The following MED12L variants were observed in gnomAD, a reference collection of about 807,000 sequenced individuals.
MED12L encodes mediator of RNA polymerase II transcription subunit 12-like protein.
MED12L carries 60 observed loss-of-function variants against 281.3 expected under a neutral mutation model. The observed-to-expected ratio is 0.21, with a 90% CI of 0.17 to 0.26. The LOEUF (loss-of-function observed/expected upper bound fraction) is 0.26, where lower values mean the gene tolerates loss of function less well. Among genes scored for constraint, MED12L ranks in the 10% least tolerant of loss-of-function variants. The pLI is 1.00. For synonymous variants in MED12L, 974 were observed against 987.2 expected, an observed-to-expected ratio of 0.99 and a Z score of 0.25; for missense variants, 2,146 against 2,680.9, an observed-to-expected ratio of 0.80 and a Z score of 4.41.
At chr3:151,150,352 G>A (rs1387316332) in intron 5 of MED12L, among the ~76,000 whole-genome samples, 2 of 152,144 alleles carry the variant, frequency 1.3e-5, no homozygotes, top group African/African-American at 2.4e-5. Flanking sequence ...GTTTTGAAAG[G>A]TATCTCTCTT....
intron 16 of MED12L, among the ~76,000 whole-genome samples, chr3:151,253,997 T>C (rs1737323043): frequency 9.2e-6 from 1 of 108,856 alleles, no homozygotes; most frequent in Non-Finnish European, 2.0e-5. Flanking sequence ...TGATTTTTTC[T>C]TGTTTTTTTT....
intron 16 of MED12L, among the ~76,000 whole-genome samples, chr3:151,312,686 A>C (rs1450163566): frequency 6.6e-6 from 1 of 152,186 alleles, no homozygotes; most frequent in East Asian, 1.9e-4. Flanking sequence ...ACAACAGTAA[A>C]AGAGCTCCCC....
At chr3:151,222,540 T>C (rs2149273880) in intron 16 of MED12L, among the ~76,000 whole-genome samples, 1 of 152,298 alleles carries the variant, frequency 6.6e-6, no homozygotes, top group Non-Finnish European at 1.5e-5. Flanking sequence ...CTGATGGTTT[T>C]AAAAATGGGA....
chr3:151,127,824 G>C lies in MED12L; in HGVS notation c.397-1G>C, dbSNP rs1714758008. 6.3e-7 allele frequency: 1 copy of C among 1,590,642 alleles called. No individual in the cohort carries two copies. Among genetic ancestry groups the C allele is most frequent in the African/African-American group, 1.4e-5 (1 of 73,916 alleles). ...AAATATACTATGTTGTTTCTTTTTA[G>C]GTTCCTATCCTTAGTAAAAAAGAGG... On this transcript the variant is annotated splice_acceptor_variant, in intron 4 of 44. Coordinates refer to ENST00000687756, the MANE Select transcript of MED12L (RefSeq NM_001393769.1). LOFTEE classifies it high-confidence loss of function.
At position 151,370,270 on chromosome 3, in the gene MED12L, A is replaced by G. The variant is rs185297847; in HGVS notation, c.3664+721A>G. On this transcript the variant is annotated intron_variant, in intron 26 of 44. Coordinates refer to ENST00000687756, the MANE Select transcript of MED12L (RefSeq NM_001393769.1). ...AGGAAGTCTTCAAGTCAGACTGCCTAATTCCAACTTTGGGTACCTTCTTTT... is the reference window on the plus strand; with the variant it reads ...AGGAAGTCTTCAAGTCAGACTGCCTGATTCCAACTTTGGGTACCTTCTTTT... Among the ~76,000 whole-genome samples, 140 of 152,300 alleles carry G rather than the reference A, an allele frequency of 9.2e-4. 1 individual carries two copies. Among genetic ancestry groups the G allele is most frequent in the Middle Eastern group, 6.8e-3 (2 of 294 alleles).
intron 5 of MED12L, among the ~76,000 whole-genome samples, chr3:151,134,668 A>G (rs1184784244): frequency 1.3e-5 from 2 of 152,226 alleles, no homozygotes; most frequent in African/African-American, 4.8e-5. Context: ...AGATTCACAG[A>G]GGAAGTGACT....
At chr3:151,420,946 A>G (rs1396953606) in intron 43 of MED12L, among the ~76,000 whole-genome samples, 2 of 152,228 alleles carry the variant, frequency 1.3e-5, no homozygotes, top group Non-Finnish European at 2.9e-5. Flanking sequence ...CCATGGTGGA[A>G]GAAGTCCAAT....
In MED12L at chr3:151,321,792, T is replaced by C. The variant is rs148009917; in HGVS notation, c.2251-28267T>C. Among the ~76,000 whole-genome samples the C allele has an allele frequency of 7.1e-3, 1,078 of 152,308 alleles. 31 individuals carry two copies. Among genetic ancestry groups the C allele is most frequent in the Admixed American group, 0.053 (810 of 15,298 alleles). On this transcript the variant is annotated intron_variant, in intron 16 of 44. Transcript: ENST00000687756. ...TTAATTTCCTTTCTCTTTCATATTA[T>C]CTTGCCTTTTTCTTTCCCTTTTATC...
intron 16 of MED12L, among the ~76,000 whole-genome samples, chr3:151,304,958 A>G (rs907076967): frequency 3.9e-5 from 6 of 152,102 alleles, no homozygotes; most frequent in Non-Finnish European, 7.4e-5. Context: ...TTATGCTGAG[A>G]TGGCTGTGTG....
intron 2 of MED12L, among the ~76,000 whole-genome samples, chr3:151,095,031 A>G (rs1223625559): frequency 2.0e-5 from 3 of 152,204 alleles, no homozygotes; most frequent in Admixed American, 6.5e-5. Context: ...CAGCTCCACG[A>G]CTTGAACAGT....
chr3:151,256,032 A>C (rs1265268155), intron 16 of MED12L, among the ~76,000 whole-genome samples: 1 of 152,162 alleles, frequency 6.6e-6, no homozygotes, highest in Non-Finnish European at 1.5e-5. Flanking sequence ...TTGTTCCTTT[A>C]CAATGCTTTC....
chr3:151,281,232 C>CAAAAAAAAAA (rs35035320), intron 16 of MED12L, among the ~76,000 whole-genome samples: 10 of 49,940 alleles, frequency 2.0e-4, no homozygotes, highest in African/African-American at 3.8e-4. Context: ...ACCAAAAATA[C>CAAAAAAAAAA]AAAAAAAAAA....
chr3:151,229,951 G>T (rs894938302), intron 16 of MED12L, among the ~76,000 whole-genome samples: 5 of 151,958 alleles, frequency 3.3e-5, no homozygotes, highest in African/African-American at 9.7e-5. Context: ...AGGCTCACAT[G>T]TTGGGATCTG....
chr3:151,339,412 A>G (rs927327070), intron 16 of MED12L, among the ~76,000 whole-genome samples: 4 of 141,144 alleles, frequency 2.8e-5, no homozygotes, highest in African/African-American at 1.1e-4. Flanking sequence ...GAAACTTATT[A>G]AATAAAATAC....
chr3:151,198,963 C>T, intron 16 of MED12L: 1 of 1,613,882 alleles, frequency 6.2e-7, no homozygotes, highest in Non-Finnish European at 8.5e-7. Context: ...ATAAGAAGGA[C>T]CATTAGCCAC....
intron 36 of MED12L, among the ~76,000 whole-genome samples, chr3:151,387,064 A>G (rs1713512649): frequency 1.3e-5 from 2 of 152,222 alleles, no homozygotes; most frequent in African/African-American, 4.8e-5. Context: ...AGATAACAAC[A>G]GTAACACTTA....
At chr3:151,423,016 AAT>A (rs56738899) in intron 43 of MED12L, among the ~76,000 whole-genome samples, 6 of 141,728 alleles carry the variant, frequency 4.2e-5, no homozygotes, top group Admixed American at 7.0e-5. Flanking sequence ...AGATCATAAA[AAT>A]ATATATATAT....
intron 16 of MED12L, among the ~76,000 whole-genome samples, chr3:151,224,676 C>T (rs570191890): frequency 6.6e-6 from 1 of 152,200 alleles, no homozygotes; most frequent in Non-Finnish European, 1.5e-5. Flanking sequence ...CCTCCCACCC[C>T]CTATCTTTTG....
intron 16 of MED12L, among the ~76,000 whole-genome samples, chr3:151,206,436 T>C (rs1726367808): frequency 6.6e-6 from 1 of 151,976 alleles, no homozygotes; most frequent in Non-Finnish European, 1.5e-5. Context: ...TTGATGTTAT[T>C]GCGTCAACAT....
Sources: allele counts gnomAD v4.1 joint callset (sites outside exome capture counted in the v4.1 genomes callset), GRCh38; gene constraint gnomAD v4.1.1; transcripts MANE v1.5; gene names NCBI Gene and HGNC (gene_info 2026-07-23, HGNC 2026-07-21).